The following HMGCLL1 variants were observed in gnomAD, a reference collection of about 807,000 sequenced individuals.
The protein encoded by HMGCLL1 is 3-hydroxymethyl-3-methylglutaryl-CoA lyase, cytoplasmic.
HMGCLL1 carries 36 observed loss-of-function variants against 39.1 expected under a neutral mutation model. The ratio of observed to expected loss-of-function variants is 0.92; its 90% confidence interval spans 0.71 to 1.22. The LOEUF (loss-of-function observed/expected upper bound fraction) is 1.22. HMGCLL1 is among the 50% of genes most tolerant of loss of function. The pLI is 0.00. For missense variants in HMGCLL1, 451 were observed against 416.5 expected, an observed-to-expected ratio of 1.08 and a Z score of -0.72; for synonymous variants, 149 against 144.0, an observed-to-expected ratio of 1.03 and a Z score of -0.25.
chr6:55,453,306 G>C (rs1378392764), intron 7 of HMGCLL1, among the ~76,000 whole-genome samples: 2 of 152,156 alleles, frequency 1.3e-5, no homozygotes, highest in Non-Finnish European at 2.9e-5. Flanking sequence ...AGCCTTACCA[G>C]CAGCTGGGAC....
chr6:55,505,915 A>C (rs1242999877), intron 5 of HMGCLL1, among the ~76,000 whole-genome samples: 1 of 151,796 alleles, frequency 6.6e-6, no homozygotes, highest in Non-Finnish European at 1.5e-5. Flanking sequence ...TAAAATATTT[A>C]AACATATGTG....
rs1242569528 is a variant in HMGCLL1, at chr6:55,477,196, AT to A, written c.795+18222del. Among the ~76,000 whole-genome samples the A allele has an allele frequency of 2.2e-4, 6 of 27,838 alleles. 1 individual carries two copies. Among genetic ancestry groups the A allele is most frequent in the African/African-American group, 5.4e-4 (2 of 3,676 alleles). The allele number at this position is 27,838 out of a possible 152,430, so 18.3% of individuals were successfully genotyped here. A position where few individuals can be genotyped will look rare whatever the true frequency, so the allele number is the denominator to read the frequency against. ...TATATATTATATTTATATATTATAT[AT>A]TATATAATATATATTATATTATAAT... On this transcript the variant is annotated intron_variant, in intron 7 of 8. Coordinates refer to ENST00000274901, the MANE Select transcript of HMGCLL1 (RefSeq NM_001042406.2).
At chr6:55,452,485 G>C (rs1044276395) in intron 7 of HMGCLL1, among the ~76,000 whole-genome samples, 7 of 152,134 alleles carry the variant, frequency 4.6e-5, no homozygotes, top group African/African-American at 7.2e-5. Flanking sequence ...CTGAATTTCT[G>C]ACAGATTTTC....
In HMGCLL1 at chr6:55,435,018, A is replaced by G. The variant is rs1375191774; in HGVS notation, c.*644T>C. The G allele has an allele frequency of 6.6e-6, 1 of 152,586 alleles. No individual in the cohort carries two copies. Among genetic ancestry groups the G allele is most frequent in the Non-Finnish European group, 1.5e-5 (1 of 68,016 alleles). 9.5% of individuals were successfully genotyped at this position (152,586 alleles called of 1,614,324 possible). The stretch of plus-strand genomic sequence containing the variant: ...GTGGTAAACTGGATGCATGTAACAA[A>G]CATGGGAGGTCGTAATATGTTTCCA... On this transcript the variant is annotated 3_prime_UTR_variant, in exon 9 of 9. Transcript: ENST00000274901.
the HMGCLL1 span, among the ~76,000 whole-genome samples, chr6:55,678,250 T>C: frequency 2.6e-5 from 4 of 152,208 alleles, no homozygotes; most frequent in Non-Finnish European, 5.9e-5. Flanking sequence ...AGGTCTATCT[T>C]TGCCTTTCTC....
At chr6:55,642,570 C>A in the HMGCLL1 span, among the ~76,000 whole-genome samples, 1 of 152,026 alleles carries the variant, frequency 6.6e-6, no homozygotes, top group African/African-American at 2.4e-5. Flanking sequence ...GGTTAGTCAT[C>A]CCCCTCAAGC....
chr6:55,531,045 G>T (rs1007209950), intron 3 of HMGCLL1, among the ~76,000 whole-genome samples: 1 of 152,166 alleles, frequency 6.6e-6, no homozygotes, highest in African/African-American at 2.4e-5. Context: ...GGGCTATCCA[G>T]ACTACGCTTA....
intron 7 of HMGCLL1, among the ~76,000 whole-genome samples, chr6:55,492,018 G>A (rs975229006): frequency 2.7e-4 from 41 of 152,032 alleles, no homozygotes; most frequent in African/African-American, 1.7e-4. Context: ...TGAGGGGGAC[G>A]TTCCATTTAT....
intron 5 of HMGCLL1, among the ~76,000 whole-genome samples, chr6:55,502,056 T>C (rs1468022001): frequency 6.6e-6 from 1 of 151,874 alleles, no homozygotes; most frequent in Non-Finnish European, 1.5e-5. Flanking sequence ...GTTTTTGACT[T>C]AAGTGAATAC....
At chr6:55,542,532 C>A (rs958002147) in intron 1 of HMGCLL1, among the ~76,000 whole-genome samples, 12 of 152,036 alleles carry the variant, frequency 7.9e-5, no homozygotes, top group African/African-American at 2.9e-4. Flanking sequence ...GTAATCCCAA[C>A]ACATTGGGAG....
intron 1 of HMGCLL1, among the ~76,000 whole-genome samples, chr6:55,556,129 G>C (rs1314890405): frequency 1.3e-5 from 2 of 152,022 alleles, no homozygotes; most frequent in Non-Finnish European, 2.9e-5. Context: ...TACTTTATTT[G>C]ATGAGGCCTG....
chr6:55,666,034 G>A, the HMGCLL1 span, among the ~76,000 whole-genome samples: 10 of 151,622 alleles, frequency 6.6e-5, no homozygotes, highest in South Asian at 2.1e-4. Flanking sequence ...AAGCTTCTGA[G>A]AATGAAGTAA....
intron 7 of HMGCLL1, among the ~76,000 whole-genome samples, chr6:55,489,565 T>C (rs1766209216): frequency 6.6e-6 from 1 of 152,036 alleles, no homozygotes. Context: ...GAAAAAATCA[T>C]TTTAAAATTA....
intron 7 of HMGCLL1, among the ~76,000 whole-genome samples, chr6:55,480,985 G>T (rs1158734350): frequency 1.3e-5 from 2 of 151,900 alleles, no homozygotes; most frequent in Non-Finnish European, 2.9e-5. Context: ...GGCTAGGAAG[G>T]GTAATGTCGT....
the HMGCLL1 span, among the ~76,000 whole-genome samples, chr6:55,617,153 TAA>T: frequency 1.3e-5 from 2 of 152,098 alleles, no homozygotes. Context: ...AAAAAAACCC[TAA>T]AGTTTCTTAA....
chr6:55,545,840 T>G (rs1038026176), intron 1 of HMGCLL1, among the ~76,000 whole-genome samples: 1 of 152,042 alleles, frequency 6.6e-6, no homozygotes, highest in Non-Finnish European at 1.5e-5. Flanking sequence ...AGGAAGAGAC[T>G]AAAGATCAGT....
At chr6:55,552,359 C>T (rs941115558) in intron 1 of HMGCLL1, among the ~76,000 whole-genome samples, 2 of 152,018 alleles carry the variant, frequency 1.3e-5, no homozygotes, top group African/African-American at 4.8e-5. Flanking sequence ...TCTAGGCATT[C>T]TCAATAGAGC....
At chr6:55,571,425 C>T (rs1440747488) in intron 1 of HMGCLL1, among the ~76,000 whole-genome samples, 1 of 152,036 alleles carries the variant, frequency 6.6e-6, no homozygotes, top group African/African-American at 2.4e-5. Flanking sequence ...AATAAGAATG[C>T]TGAAAAGGCA....
chr6:55,529,769 A>C (rs4489157), intron 3 of HMGCLL1, among the ~76,000 whole-genome samples: 91,535 of 151,884 alleles, frequency 0.6, 28,423 homozygotes, highest in Admixed American at 0.69. Flanking sequence ...TTAACTTTAC[A>C]CTTACCTTAT....
Sources: allele counts gnomAD v4.1 joint callset (sites outside exome capture counted in the v4.1 genomes callset), GRCh38; gene constraint gnomAD v4.1.1; transcripts MANE v1.5; gene names NCBI Gene and HGNC (gene_info 2026-07-23, HGNC 2026-07-21).